Variants in GRM3 observed in about 807,000 individuals in gnomAD.
The protein encoded by GRM3 is glutamate metabotropic receptor 3, also known as metabotropic glutamate receptor 3.
GRM3 carries 26 observed loss-of-function variants against 70.5 expected under a neutral mutation model. That is an observed-to-expected ratio of 0.37 (90% confidence interval 0.27 to 0.51). The LOEUF is 0.51. Ranked by LOEUF, GRM3 falls within the 20% of genes least tolerant of loss-of-function variation. GRM3 has a pLI of 0.93. For synonymous variants in GRM3, 443 were observed against 434.9 expected, an observed-to-expected ratio of 1.02 and a Z score of -0.23; for missense variants, 859 against 1,123.8, an observed-to-expected ratio of 0.76 and a Z score of 3.37.
intron 3 of GRM3, among the ~76,000 whole-genome samples, chr7:86,797,887 C>A (rs1212196520): frequency 6.6e-6 from 1 of 152,162 alleles, no homozygotes; most frequent in Non-Finnish European, 1.5e-5. Context: ...GGACTCGGTG[C>A]CTGCATCCCA....
chr7:86,772,538 A>G (rs573007376), intron 2 of GRM3, among the ~76,000 whole-genome samples: 1 of 152,066 alleles, frequency 6.6e-6, no homozygotes, highest in African/African-American at 2.4e-5. Flanking sequence ...ACTTAGACCA[A>G]CTATTCCAGA....
Position 86,706,844 on chromosome 7 carries a change from T to C in GRM3, c.-140-58162T>C, listed in dbSNP as rs550026632. ...CATTTCATAATTCACAATTTCATCA[T>C]ATTAACAAAGCAAGTATTTTTATTA... On this transcript the variant is annotated intron_variant, in intron 1 of 5. Coordinates refer to ENST00000361669, the MANE Select transcript of GRM3 (RefSeq NM_000840.3). Among the ~76,000 whole-genome samples the C allele has an allele frequency of 5.3e-5, 8 of 152,244 alleles. No homozygotes were observed. The South Asian group carries it at 1.7e-3, about 32-fold the overall frequency.
chr7:86,714,310 C>T (rs1795265626), intron 1 of GRM3, among the ~76,000 whole-genome samples: 1 of 151,956 alleles, frequency 6.6e-6, no homozygotes, highest in Non-Finnish European at 1.5e-5. Context: ...TTTTTAAACC[C>T]TGTGCTACGT....
chr7:86,793,575 G>A (rs1023753581), intron 3 of GRM3, among the ~76,000 whole-genome samples: 4 of 152,054 alleles, frequency 2.6e-5, no homozygotes, highest in Non-Finnish European at 5.9e-5. Flanking sequence ...CTTCTCTCTG[G>A]TCAGCTTCCT....
chr7:86,707,389 T>G (rs897090602), intron 1 of GRM3, among the ~76,000 whole-genome samples: 3 of 152,052 alleles, frequency 2.0e-5, no homozygotes, highest in African/African-American at 7.2e-5. Flanking sequence ...CTCCTAAGAT[T>G]GCTGTGATGA....
chr7:86,733,577 T>A (rs1332451640), intron 1 of GRM3, among the ~76,000 whole-genome samples: 4 of 152,170 alleles, frequency 2.6e-5, no homozygotes, highest in African/African-American at 9.7e-5. Flanking sequence ...AAGAGTTTAT[T>A]TGAGTCTTCA....
rs562156237 is a variant in GRM3, at chr7:86,776,736, A to T, written c.469-9525A>T. Among the ~76,000 whole-genome samples, 52 of 152,182 alleles carry T rather than the reference A, an allele frequency of 3.4e-4. 1 individual carries two copies. Among genetic ancestry groups the T allele is most frequent in the Admixed American group, 3.4e-3 (52 of 15,272 alleles). On this transcript the variant is annotated intron_variant, in intron 2 of 5. Transcript: ENST00000361669. ...TGGCTCTGTTAAAACTTCAAGAGAC[A>T]TTGTCAAAAATCAATATCTGAGGTA...
intron 4 of GRM3, among the ~76,000 whole-genome samples, chr7:86,840,189 C>T (rs1034546964): frequency 1.3e-5 from 2 of 152,000 alleles, no homozygotes; most frequent in Admixed American, 1.3e-4. Flanking sequence ...ATGTAATACA[C>T]GTACACATAA....
Position 86,864,718 on chromosome 7 carries a change from GA to G in GRM3, c.*365del. ...AATATTATGTAACCTTTTTTCCTAT[GA>G]AGTTTTTTGTAGGTCCTTGTTGTAA... On this transcript the variant is annotated 3_prime_UTR_variant, in exon 6 of 6. Transcript: ENST00000361669. 1 of 166,002 alleles carries G rather than the reference GA, an allele frequency of 6.0e-6. No individual in the cohort carries two copies. The highest frequency in any genetic ancestry group is 1.9e-4 in the South Asian group (1 of 5,356). The allele number at this position is 166,002 out of a possible 1,614,324, so 10.3% of individuals were successfully genotyped here.
intron 4 of GRM3, among the ~76,000 whole-genome samples, chr7:86,847,399 A>G (rs1369597590): frequency 6.6e-6 from 1 of 152,178 alleles, no homozygotes; most frequent in Non-Finnish European, 1.5e-5. Context: ...ACTTGGGGAA[A>G]GGGACCAAAT....
chr7:86,797,916 C>T (rs1797590076), intron 3 of GRM3, among the ~76,000 whole-genome samples: 1 of 152,166 alleles, frequency 6.6e-6, no homozygotes, highest in Admixed American at 6.5e-5. Context: ...TAAAAGGGGC[C>T]AATGTAGAGC....
intron 3 of GRM3, among the ~76,000 whole-genome samples, chr7:86,838,620 C>T (rs749670261): frequency 2.0e-5 from 3 of 152,150 alleles, no homozygotes; most frequent in Non-Finnish European, 4.4e-5. Context: ...CGGTACTTGG[C>T]ACCCTTTGAT....
chr7:86,834,818 C>A (rs1798423940), intron 3 of GRM3, among the ~76,000 whole-genome samples: 1 of 151,804 alleles, frequency 6.6e-6, no homozygotes, highest in Admixed American at 6.6e-5. Flanking sequence ...ATTAATAACA[C>A]AGTAAGAACC....
chr7:86,787,654 G>A (rs572808841), intron 3 of GRM3, among the ~76,000 whole-genome samples: 2 of 152,224 alleles, frequency 1.3e-5, no homozygotes, highest in African/African-American at 4.8e-5. Context: ...TAGGCATTCC[G>A]TTTATTTTTC....
intron 1 of GRM3, among the ~76,000 whole-genome samples, chr7:86,698,588 C>T (rs1794883373): frequency 2.0e-5 from 3 of 148,440 alleles, no homozygotes; most frequent in African/African-American, 7.4e-5. Context: ...AATACACACA[C>T]ACACACATAT....
chr7:86,843,569 T>C (rs1005821533), intron 4 of GRM3, among the ~76,000 whole-genome samples: 1 of 152,204 alleles, frequency 6.6e-6, no homozygotes, highest in Non-Finnish European at 1.5e-5. Flanking sequence ...TGGGATCTAA[T>C]ACATAGCTTA....
At chr7:86,672,830 T>A (rs1339949981) in intron 1 of GRM3, among the ~76,000 whole-genome samples, 2 of 152,130 alleles carry the variant, frequency 1.3e-5, no homozygotes, top group Non-Finnish European at 2.9e-5. Flanking sequence ...TTTCTCTGAC[T>A]TTGCTAAAAA....
chr7:86,762,885 G>A (rs544476868), intron 1 of GRM3, among the ~76,000 whole-genome samples: 2 of 152,240 alleles, frequency 1.3e-5, no homozygotes, highest in South Asian at 4.1e-4. Context: ...TATATCTGCA[G>A]CTTAAGATCT....
At chr7:86,771,392 T>A (rs1338275730) in intron 2 of GRM3, among the ~76,000 whole-genome samples, 1 of 152,124 alleles carries the variant, frequency 6.6e-6, no homozygotes, top group Admixed American at 6.6e-5. Context: ...TCAATTGTTA[T>A]TTCACTTGAT....
Sources: gnomAD v4.1 joint callset for allele counts (sites outside exome capture counted in the v4.1 genomes callset) on GRCh38, gnomAD v4.1.1 for gene constraint, MANE v1.5 for transcripts, NCBI Gene and HGNC (gene_info 2026-07-23, HGNC 2026-07-21) for gene names.